The following EPG5 variants were observed in gnomAD, a reference collection of about 807,000 sequenced individuals.
EPG5 encodes the protein ectopic P granules protein 5 homolog.
Under a neutral mutation model 302.7 loss-of-function variants are expected in EPG5, and 159 were observed. The ratio of observed to expected loss-of-function variants is 0.53; its 90% confidence interval spans 0.46 to 0.60. The LOEUF (loss-of-function observed/expected upper bound fraction) is 0.60. Ranked by LOEUF, EPG5 falls within the 20% of genes least tolerant of loss-of-function variation. The pLI is 0.00. For synonymous variants in EPG5, 1,158 were observed against 1,136.8 expected, an observed-to-expected ratio of 1.02 and a Z score of -0.37; for missense variants, 2,896 against 3,092.4, an observed-to-expected ratio of 0.94 and a Z score of 1.51.
intron 39 of EPG5, among the ~76,000 whole-genome samples, chr18:45,863,547 T>C (rs568560686): frequency 1.6e-4 from 24 of 152,334 alleles, no homozygotes; most frequent in Non-Finnish European, 3.2e-4. Flanking sequence ...CTCAACCTCC[T>C]TCCTAGCATG....
At chr18:45,880,792 A>G (rs1229052964) in intron 31 of EPG5, among the ~76,000 whole-genome samples, 1 of 152,192 alleles carries the variant, frequency 6.6e-6, no homozygotes, top group Non-Finnish European at 1.5e-5. Flanking sequence ...AATATCTCCT[A>G]AAGTACTTTC....
intron 14 of EPG5, 41 bp downstream of exon 14, chr18:45,925,697 T>G: frequency 7.2e-7 from 1 of 1,397,180 alleles, no homozygotes; most frequent in Non-Finnish European, 9.4e-7. Context: ...AACAGATGCA[T>G]GTACAACCTC....
At chr18:45,888,908 C>A (rs2049275928) in intron 28 of EPG5, among the ~76,000 whole-genome samples, 1 of 151,956 alleles carries the variant, frequency 6.6e-6, no homozygotes, top group Non-Finnish European at 1.5e-5. Context: ...AACACAAAAC[C>A]CTGATTTCTC....
At chr18:45,825,786 T>A in the EPG5 span, 1 of 1,614,176 alleles carries the variant, frequency 6.2e-7, no homozygotes, top group Non-Finnish European at 8.5e-7. Flanking sequence ...GACAGGTGAG[T>A]GTCTGCTACT....
chr18:45,824,209 T>G, the EPG5 span, among the ~76,000 whole-genome samples: 1 of 152,020 alleles, frequency 6.6e-6, no homozygotes, highest in South Asian at 2.1e-4. Flanking sequence ...CAGTTGGAAC[T>G]TTTTTATTTT....
intron 32 of EPG5, 76 bp downstream of exon 32, chr18:45,879,999 C>T (rs1350074503): frequency 1.7e-5 from 24 of 1,448,220 alleles, no homozygotes; most frequent in Non-Finnish European, 2.0e-5. Context: ...CACAAGTTTT[C>T]CAACTGCTTA....
chr18:45,802,930 T>G, the EPG5 span, among the ~76,000 whole-genome samples: 2 of 152,214 alleles, frequency 1.3e-5, no homozygotes, highest in East Asian at 3.9e-4. Flanking sequence ...CTTCCCCCAG[T>G]CTCTTAAGGC....
At chr18:45,899,330 T>C (rs550396183) in intron 27 of EPG5, 74 bp downstream of exon 27, 1 of 1,553,670 alleles carries the variant, frequency 6.4e-7, no homozygotes, top group Non-Finnish European at 8.8e-7. Flanking sequence ...TGTCTTTCAA[T>C]CTTTCTCATT....
chr18:45,924,566 A>T (rs921167931), intron 14 of EPG5, among the ~76,000 whole-genome samples: 16 of 152,346 alleles, frequency 1.1e-4, no homozygotes, highest in African/African-American at 3.8e-4. Flanking sequence ...TTAAATGTTA[A>T]TCTTCTTATG....
At chr18:45,887,632 C>G in intron 29 of EPG5, 119 bp downstream of exon 29, 1 of 835,248 alleles carries the variant, frequency 1.2e-6, no homozygotes, top group Non-Finnish European at 1.7e-6. Flanking sequence ...AGGCTTCTGA[C>G]TTGGGTAAGA....
intron 3 of EPG5, among the ~76,000 whole-genome samples, chr18:45,951,902 A>G (rs58682566): frequency 0.1 from 15,752 of 152,196 alleles, 1,219 homozygotes; most frequent in East Asian, 0.29. Context: ...ATAATTCAAC[A>G]AGCATACTTA....
At position 45,955,102 on chromosome 18, in the gene EPG5, T is replaced by C; in HGVS notation, c.300A>G (p.Thr100=). The change falls in exon 2 of 44, where the codon ACA becomes ACG. Residue 100 remains threonine (T), a synonymous_variant. Transcript: ENST00000282041. ...CCTCTCCCCCTTCCTTTGGGGGCTCTGTGTTACACGTCAGGGACTCTTCAT... is the reference window on the plus strand; with the variant it reads ...CCTCTCCCCCTTCCTTTGGGGGCTCCGTGTTACACGTCAGGGACTCTTCAT... ...ISNEESLTCN[T]EPPKEGGEAR... 6.2e-7 allele frequency: 1 copy of C among 1,613,958 alleles called. No homozygotes were observed. The highest frequency in any genetic ancestry group is 1.7e-5 in the Admixed American group (1 of 60,002).
chr18:45,854,964 G>A (rs570669310), intron 43 of EPG5, among the ~76,000 whole-genome samples: 3 of 152,242 alleles, frequency 2.0e-5, no homozygotes, highest in South Asian at 2.1e-4. Context: ...AATAGTACCT[G>A]GCACAGAGGG....
At chr18:45,804,718 G>C in the EPG5 span, among the ~76,000 whole-genome samples, 2 of 152,114 alleles carry the variant, frequency 1.3e-5, no homozygotes, top group African/African-American at 4.8e-5. Context: ...TTTATTATAA[G>C]AAATGCTAAA....
In EPG5 at chr18:45,911,808, C is replaced by T. The variant is rs1294773646; in HGVS notation, c.3983+482G>A. ...AGGCAGGAGCTAGAGAGCAATGGTTCGTAATAGTGGATGGCTCTGGCTGGG... is the reference window on the plus strand; with the variant it reads ...AGGCAGGAGCTAGAGAGCAATGGTTTGTAATAGTGGATGGCTCTGGCTGGG... On this transcript the variant is annotated intron_variant, in intron 22 of 43. Coordinates refer to ENST00000282041, the MANE Select transcript of EPG5 (RefSeq NM_020964.3). Among the ~76,000 whole-genome samples the T allele has an allele frequency of 2.0e-5, 3 of 152,150 alleles. No individual in the cohort carries two copies. In the East Asian group the frequency reaches 5.8e-4, roughly 29 times the overall value.
chr18:45,810,073 G>T, the EPG5 span, among the ~76,000 whole-genome samples: 3 of 152,118 alleles, frequency 2.0e-5, no homozygotes, highest in Non-Finnish European at 2.9e-5. Context: ...ATCATTCAAG[G>T]ATACTATGAA....
rs566429016 is a variant in EPG5, at chr18:45,871,972, T to C, written c.6050-1230A>G. Among the ~76,000 whole-genome samples, 14 of 152,332 alleles carry C rather than the reference T, an allele frequency of 9.2e-5. No individual in the cohort carries two copies. In the South Asian group the frequency reaches 2.1e-3, roughly 23 times the overall value. ...CATAAACAATGAAAGGTAAGCAAGG[T>C]GATGGATATCTTAATTATCTTGATT... On this transcript the variant is annotated intron_variant, in intron 35 of 43. Coordinates refer to ENST00000282041, the MANE Select transcript of EPG5 (RefSeq NM_020964.3).
rs1355337490 is a variant in EPG5, at chr18:45,899,392, T to G, written c.4809+12A>C. The stretch of plus-strand genomic sequence containing the variant: ...AAAATTCTCTCAGTTCTGAAGAAAT[T>G]TAAACACTTACCTGAACCGTGACAA... On this transcript the variant is annotated intron_variant, in intron 27 of 43. Transcript: ENST00000282041. 15 of 1,613,806 alleles carry G rather than the reference T, an allele frequency of 9.3e-6. No homozygotes were observed. Among genetic ancestry groups the G allele is most frequent in the Non-Finnish European group, 1.3e-5 (15 of 1,179,884 alleles).
At chr18:45,944,477 G>A (rs192110699) in intron 7 of EPG5, among the ~76,000 whole-genome samples, 4 of 152,268 alleles carry the variant, frequency 2.6e-5, no homozygotes, top group Admixed American at 6.5e-5. Flanking sequence ...CAGATGGGCC[G>A]GGCGCGGTGG....
Sources: allele counts gnomAD v4.1 joint callset (sites outside exome capture counted in the v4.1 genomes callset), GRCh38; gene constraint gnomAD v4.1.1; transcripts MANE v1.5; gene names NCBI Gene and HGNC (gene_info 2026-07-23, HGNC 2026-07-21).